Variants in ALDH1A2 observed in about 807,000 individuals in gnomAD.
ALDH1A2 encodes the protein aldehyde dehydrogenase 1 family member A2, also known as retinal dehydrogenase 2.
ALDH1A2 carries 27 observed loss-of-function variants against 60.3 expected under a neutral mutation model. The observed-to-expected ratio is 0.45, with a 90% CI of 0.33 to 0.62. The LOEUF is 0.62. Among genes scored for constraint, ALDH1A2 ranks in the 20% least tolerant of loss-of-function variants. ALDH1A2 has a pLI of 0.02. For synonymous variants in ALDH1A2, 289 were observed against 232.4 expected (o/e 1.24, Z -2.21); for missense variants, 581 against 643.8 (o/e 0.90, Z 1.06).
chr15:57,981,319 CACACACACAG>C lies in ALDH1A2; in HGVS notation c.798+11376_798+11385del, dbSNP rs1166434595. Among the ~76,000 whole-genome samples, 373 of 145,946 alleles carry C rather than the reference CACACACACAG, an allele frequency of 2.6e-3. 1 individual carries two copies. The highest frequency in any genetic ancestry group is 9.7e-3 in the African/African-American group (349 of 35,880). On this transcript the variant is annotated intron_variant, in intron 7 of 12. Transcript: ENST00000249750. ...ACACACACACACACACACACACACA[CACACACACAG>C]ACACACACAAACACTGACTGGTAGC...
chr15:57,970,735 A>C lies in ALDH1A2; in HGVS notation c.799-4908T>G, dbSNP rs34500205. ...TTTCTCAGCGATATAACACCTTTTT[A>C]AAAATGGAAAAATCTCTACTAGAGA... is the stretch of plus-strand genomic sequence containing the variant. On this transcript the variant is annotated intron_variant, in intron 7 of 12. Transcript: ENST00000249750. 1.1e-3 allele frequency among the ~76,000 whole-genome samples: 175 copies of C among 152,298 alleles called. 1 individual carries two copies. Among genetic ancestry groups the C allele is most frequent in the African/African-American group, 4.0e-3 (166 of 41,580 alleles).
chr15:57,955,831 C>T (rs1486808216), intron 12 of ALDH1A2, among the ~76,000 whole-genome samples: 2 of 152,214 alleles, frequency 1.3e-5, no homozygotes, highest in Non-Finnish European at 2.9e-5. Flanking sequence ...TGCTCCTTCT[C>T]CTCCACATCT....
At chr15:57,978,775 G>T (rs1484745068) in intron 7 of ALDH1A2, among the ~76,000 whole-genome samples, 1 of 152,156 alleles carries the variant, frequency 6.6e-6, no homozygotes, top group Non-Finnish European at 1.5e-5. Context: ...GGTGGCTCAC[G>T]CCTGTAATCT....
chr15:58,014,381 T>C, intron 1 of ALDH1A2, 100 bp from the exon 2 acceptor site: 1 of 917,840 alleles, frequency 1.1e-6, no homozygotes, highest in Non-Finnish European at 1.8e-6. Flanking sequence ...ACACTTGTTG[T>C]ATAATAAAAG....
intron 4 of ALDH1A2, 75 bp downstream of exon 4, chr15:58,010,574 G>A (rs1280197468): frequency 6.3e-7 from 1 of 1,589,134 alleles, no homozygotes; most frequent in Non-Finnish European, 8.6e-7. Context: ...TGTGACTGCT[G>A]TTTGTGTTTG....
intron 1 of ALDH1A2, among the ~76,000 whole-genome samples, chr15:58,041,361 G>A (rs549403143): frequency 4.8e-4 from 73 of 151,996 alleles, no homozygotes; most frequent in African/African-American, 1.7e-3. Context: ...TGTTACATGC[G>A]CCATAAAATG....
intron 4 of ALDH1A2, among the ~76,000 whole-genome samples, chr15:58,004,038 C>T (rs1375542129): frequency 6.6e-6 from 1 of 151,736 alleles, no homozygotes; most frequent in African/African-American, 2.4e-5. Flanking sequence ...GGGCCTTGAG[C>T]GAAACAGAAT....
chr15:58,057,941 A>T, intron 1 of ALDH1A2: 1 of 840,898 alleles, frequency 1.2e-6, no homozygotes, highest in Non-Finnish European at 1.6e-6. Context: ...AATTAAAATT[A>T]AATTTTATAA....
chr15:57,997,710 A>G (rs4646604), intron 4 of ALDH1A2, among the ~76,000 whole-genome samples: 211 of 152,088 alleles, frequency 1.4e-3, no homozygotes, highest in East Asian at 0.011. Context: ...GTAGACAAAA[A>G]TCTTAAAAGT....
chr15:58,010,163 A>G (rs1432418583), intron 4 of ALDH1A2, among the ~76,000 whole-genome samples: 1 of 152,162 alleles, frequency 6.6e-6, no homozygotes, highest in African/African-American at 2.4e-5. Context: ...AGAAATATAG[A>G]AAGTAGAGAA....
At chr15:58,001,275 A>T (rs187128762) in intron 4 of ALDH1A2, among the ~76,000 whole-genome samples, 2 of 152,034 alleles carry the variant, frequency 1.3e-5, no homozygotes, top group African/African-American at 4.8e-5. Flanking sequence ...TTACCCATAA[A>T]AACATATTAA....
In ALDH1A2 at chr15:58,010,534, T is replaced by C. The variant is rs148200734; in HGVS notation, c.493+115A>G. ...GGTTGGTTCTTCACTCAGTTCTAAC[T>C]GCTGTAAGTGTGCTCATATCTGTAT... On this transcript the variant is annotated intron_variant, in intron 4 of 12. Transcript: ENST00000249750. 27,954 of 1,391,720 alleles carry C rather than the reference T, an allele frequency of 0.02. 358 individuals are homozygous for C. The highest frequency in any genetic ancestry group is 0.05 in the Middle Eastern group (269 of 5,432). 86.2% of individuals were successfully genotyped at this position (1,391,720 alleles called of 1,614,324 possible). A position where few individuals can be genotyped will look rare whatever the true frequency, so the allele number is the denominator to read the frequency against.
chr15:57,977,188 CCA>C (rs1164667456), intron 7 of ALDH1A2, among the ~76,000 whole-genome samples: 2 of 151,922 alleles, frequency 1.3e-5, no homozygotes, highest in African/African-American at 4.8e-5. Flanking sequence ...AAACTTTGTC[CCA>C]CTCTGTAGGT....
intron 7 of ALDH1A2, among the ~76,000 whole-genome samples, chr15:57,974,969 A>T (rs566509438): frequency 1.3e-5 from 2 of 152,254 alleles, no homozygotes; most frequent in Non-Finnish European, 2.9e-5. Context: ...CACAAATGAA[A>T]AGACACTCAA....
chr15:58,014,321 T>G, intron 1 of ALDH1A2, 40 bp from the exon 2 acceptor site: 1 of 1,510,172 alleles, frequency 6.6e-7, no homozygotes, highest in Non-Finnish European at 9.2e-7. Flanking sequence ...GTGACACAGG[T>G]GATAAGCAGC....
At chr15:58,015,370 G>A (rs1895762716) in intron 1 of ALDH1A2, among the ~76,000 whole-genome samples, 1 of 152,126 alleles carries the variant, frequency 6.6e-6, no homozygotes. Context: ...TAAAAACTAT[G>A]AGCCCATGTA....
At chr15:58,022,578 T>TCA (rs1895959472) in intron 1 of ALDH1A2, among the ~76,000 whole-genome samples, 1 of 151,938 alleles carries the variant, frequency 6.6e-6, no homozygotes, top group Non-Finnish European at 1.5e-5. Flanking sequence ...CCAACACAGG[T>TCA]GCCAGGGTAT....
chr15:57,961,949 A>G (rs1204247916), intron 10 of ALDH1A2, 63 bp downstream of exon 10: 2 of 1,593,544 alleles, frequency 1.3e-6, no homozygotes, highest in African/African-American at 2.7e-5. Context: ...ATCATCCACT[A>G]GAAATGCTCT....
rs1893739700 is a variant in ALDH1A2, at chr15:57,962,041, T to G, written c.1222A>C (p.Thr408Pro). ...TCCTTGGCAATCCGCATATCATCAG[T>G]GACGTTGGAAAACACTGTGGGCTCA... Reference protein sequence around the residue: ...FIEPTVFSNVTDDMRIAKEEI... With the variant: ...FIEPTVFSNVPDDMRIAKEEI... The change falls in exon 10 of 13, where the codon ACT becomes CCT. Residue 408 changes from threonine (T) to proline (P), a missense_variant. Around this residue, in one of 2 missense-constraint regions of ALDH1A2, gnomAD observed 375 missense variants for 469.7 expected, o/e 0.80. Transcript: ENST00000249750. 6.2e-7 allele frequency: 1 copy of G among 1,614,026 alleles called. No individual in the cohort carries two copies. The highest frequency in any genetic ancestry group is 1.3e-5 in the African/African-American group (1 of 74,920).
Sources: allele counts gnomAD v4.1 joint callset (sites outside exome capture counted in the v4.1 genomes callset), GRCh38; gene constraint gnomAD v4.1.1; regional missense constraint gnomAD v4.1.1; transcripts MANE v1.5; gene names NCBI Gene and HGNC (gene_info 2026-07-23, HGNC 2026-07-21).